The following DPYD variants were observed in gnomAD, a reference collection of about 807,000 sequenced individuals.
DPYD encodes dihydropyrimidine dehydrogenase.
In DPYD, 109 loss-of-function variants were observed where a neutral mutation model predicts 116.2. The observed-to-expected ratio is 0.94, with a 90% CI of 0.80 to 1.10. DPYD has a LOEUF of 1.10. DPYD is among the 50% of genes least tolerant of loss of function. The pLI, the probability that DPYD is intolerant of heterozygous loss-of-function variation, is 0.00. For missense variants in DPYD, 1,302 were observed against 1,254.5 expected (o/e 1.04, Z -0.57); for synonymous variants, 440 against 432.0 (o/e 1.02, Z -0.23).
intron 20 of DPYD, among the ~76,000 whole-genome samples, chr1:97,117,059 G>C (rs953655024): frequency 6.6e-6 from 1 of 151,842 alleles, no homozygotes; most frequent in African/African-American, 2.4e-5. Context: ...AGCTACTCAG[G>C]AGGCTGAGGT....
intron 1 of DPYD, among the ~76,000 whole-genome samples, chr1:97,890,147 T>C (rs1383598380): frequency 6.6e-6 from 1 of 151,988 alleles, no homozygotes; most frequent in East Asian, 1.9e-4. Flanking sequence ...ATAAAAAGGA[T>C]AAGTGATTTC....
intron 13 of DPYD, among the ~76,000 whole-genome samples, chr1:97,496,484 A>G (rs1025883211): frequency 1.3e-5 from 2 of 152,114 alleles, no homozygotes; most frequent in Non-Finnish European, 2.9e-5. Flanking sequence ...CCTTTAAGAT[A>G]AAGTTCAAAC....
intron 11 of DPYD, among the ~76,000 whole-genome samples, chr1:97,550,993 C>A (rs1323775038): frequency 6.6e-6 from 1 of 151,914 alleles, no homozygotes; most frequent in Non-Finnish European, 1.5e-5. Context: ...GTGTTTTTCC[C>A]ACAAGATCAT....
intron 20 of DPYD, among the ~76,000 whole-genome samples, chr1:97,134,064 TA>T (rs1653596644): frequency 8.5e-6 from 1 of 117,302 alleles, no homozygotes; most frequent in Non-Finnish European, 1.7e-5. Context: ...TATATATATA[TA>T]TATTCTAATT....
chr1:97,288,324 C>T (rs973864331), intron 18 of DPYD, among the ~76,000 whole-genome samples: 6 of 150,884 alleles, frequency 4.0e-5, no homozygotes, highest in Non-Finnish European at 8.9e-5. Context: ...CTCAGCTCTG[C>T]ACCAAGGGGA....
At chr1:97,596,975 C>A (rs1041155630) in intron 8 of DPYD, among the ~76,000 whole-genome samples, 3 of 152,144 alleles carry the variant, frequency 2.0e-5, no homozygotes, top group Admixed American at 6.5e-5. Context: ...ACTGTTTCCC[C>A]CTTTTATGAC....
chr1:97,314,809 T>C (rs1667719350), intron 16 of DPYD, among the ~76,000 whole-genome samples: 1 of 152,010 alleles, frequency 6.6e-6, no homozygotes, highest in Admixed American at 6.6e-5. Context: ...GCCATGGTAA[T>C]GAAGTTTGAG....
intron 3 of DPYD, among the ~76,000 whole-genome samples, chr1:97,768,489 T>C (rs1177402499): frequency 6.6e-6 from 1 of 152,204 alleles, no homozygotes; most frequent in Non-Finnish European, 1.5e-5. Context: ...CACTCTTCTC[T>C]TTTATTGTCA....
chr1:97,311,694 T>A (rs1667529449), intron 16 of DPYD, among the ~76,000 whole-genome samples: 1 of 151,480 alleles, frequency 6.6e-6, no homozygotes, highest in Non-Finnish European at 1.5e-5. Flanking sequence ...GTGGAAAAAA[T>A]CCAAATTGTC....
chr1:97,710,358 T>C (rs1051644524), intron 5 of DPYD, among the ~76,000 whole-genome samples: 57 of 151,966 alleles, frequency 3.8e-4, no homozygotes, highest in African/African-American at 1.3e-3. Context: ...AAGGAAATAC[T>C]GAGTACATAC....
At chr1:97,135,213 T>C (rs939687076) in intron 20 of DPYD, among the ~76,000 whole-genome samples, 1 of 152,164 alleles carries the variant, frequency 6.6e-6, no homozygotes, top group Admixed American at 6.5e-5. Flanking sequence ...GTATAGGTAT[T>C]TGAAAGACAC....
At position 97,847,981 on chromosome 1, in the gene DPYD, T is replaced by G. The variant is rs147572080; in HGVS notation, c.151-19785A>C. On this transcript the variant is annotated intron_variant, in intron 2 of 22. Coordinates refer to ENST00000370192, the MANE Select transcript of DPYD (RefSeq NM_000110.4). ...ATGATTGTTTTATATTCATAAATGG[T>G]GAAACCCACAAAGAACATACAATAA... Among the ~76,000 whole-genome samples the G allele has an allele frequency of 1.4e-3, 219 of 152,260 alleles. 1 individual carries two copies. Among genetic ancestry groups the G allele is most frequent in the African/African-American group, 5.1e-3 (210 of 41,560 alleles).
chr1:97,616,746 A>T (rs1412491897), intron 8 of DPYD, among the ~76,000 whole-genome samples: 1 of 152,232 alleles, frequency 6.6e-6, no homozygotes, highest in Admixed American at 6.5e-5. Flanking sequence ...TACAATATGA[A>T]ACACAGCAAT....
intron 13 of DPYD, among the ~76,000 whole-genome samples, chr1:97,460,082 T>C (rs547060091): frequency 1.3e-5 from 2 of 152,258 alleles, no homozygotes; most frequent in African/African-American, 4.8e-5. Context: ...TTTTACTATA[T>C]CTTAAACTAT....
intron 15 of DPYD, among the ~76,000 whole-genome samples, chr1:97,381,760 C>T (rs1671983235): frequency 6.6e-6 from 1 of 152,116 alleles, no homozygotes; most frequent in Non-Finnish European, 1.5e-5. Context: ...TCCATGACAG[C>T]ATGATGGACA....
At chr1:97,680,713 C>A (rs1660385344) in intron 7 of DPYD, among the ~76,000 whole-genome samples, 1 of 152,130 alleles carries the variant, frequency 6.6e-6, no homozygotes, top group South Asian at 2.1e-4. Flanking sequence ...CGACATCAGG[C>A]AGATCAGACA....
intron 2 of DPYD, among the ~76,000 whole-genome samples, chr1:97,859,245 G>A (rs962564013): frequency 1.3e-5 from 2 of 152,058 alleles, no homozygotes; most frequent in African/African-American, 4.8e-5. Context: ...GTGTTGTCTA[G>A]CAACACCATT....
chr1:97,515,852 G>T lies in DPYD; in HGVS notation c.1614C>A (p.Ala538=), dbSNP rs760853559. The change falls in exon 13 of 23, where the codon GCC becomes GCA. Residue 538 remains alanine (A), a synonymous_variant. Transcript: ENST00000370192. ...IDLVDISVEM[A]GLKFINPFGL... The stretch of plus-strand genomic sequence containing the variant: ...CAAAAGGATTTATAAACTTCAATCC[G>T]GCCATTTCTACACTAATGTCCACCA... 2 of 1,612,834 alleles carry T rather than the reference G, an allele frequency of 1.2e-6. No individual in the cohort carries two copies. Among genetic ancestry groups the T allele is most frequent in the Non-Finnish European group, 1.7e-6 (2 of 1,179,234 alleles).
intron 3 of DPYD, among the ~76,000 whole-genome samples, chr1:97,793,351 A>T (rs1021766221): frequency 6.6e-6 from 1 of 152,224 alleles, no homozygotes; most frequent in African/African-American, 2.4e-5. Context: ...TTTAGTAAAA[A>T]TAGACAAACT....
Sources: gnomAD v4.1 joint callset for allele counts (sites outside exome capture counted in the v4.1 genomes callset) on GRCh38, gnomAD v4.1.1 for gene constraint, MANE v1.5 for transcripts, NCBI Gene and HGNC (gene_info 2026-07-23, HGNC 2026-07-21) for gene names.